Variants in C8orf88 observed in about 807,000 individuals in gnomAD.
C8orf88 encodes chromosome 8 open reading frame 88.
A neutral mutation model predicts 18.4 loss-of-function variants in C8orf88; 14 were observed. The observed-to-expected ratio is 0.76, with a 90% CI of 0.50 to 1.19. The LOEUF (loss-of-function observed/expected upper bound fraction) is 1.19, where lower values mean the gene tolerates loss of function less well. C8orf88 is among the 50% of genes most tolerant of loss of function. The pLI, the probability that C8orf88 is intolerant of heterozygous loss-of-function variation, is 0.00. For synonymous variants in C8orf88, 45 were observed against 42.9 expected (o/e 1.05, Z -0.19); for missense variants, 116 against 134.7 (o/e 0.86, Z 0.69).
intron 4 of C8orf88, among the ~76,000 whole-genome samples, chr8:90,967,072 A>T (rs1479955061): frequency 6.6e-6 from 1 of 151,906 alleles, no homozygotes; most frequent in Non-Finnish European, 1.5e-5. Flanking sequence ...TATGGCTAGA[A>T]CTTTCAACAT....
intron 5 of C8orf88, among the ~76,000 whole-genome samples, chr8:90,959,917 A>G (rs1415038988): frequency 6.6e-6 from 1 of 151,496 alleles, no homozygotes; most frequent in African/African-American, 2.4e-5. Flanking sequence ...ATTTACTAAA[A>G]GCATAATGAG....
intron 3 of C8orf88, among the ~76,000 whole-genome samples, chr8:90,972,166 C>T (rs1811292974): frequency 6.6e-6 from 1 of 152,012 alleles, no homozygotes. Flanking sequence ...TCTGTGAATG[C>T]TAACTACTCC....
intron 5 of C8orf88, among the ~76,000 whole-genome samples, chr8:90,960,442 T>A (rs775647118): frequency 1.3e-5 from 2 of 151,338 alleles, no homozygotes; most frequent in Non-Finnish European, 3.0e-5. Context: ...TAGAGTAAAA[T>A]TAATTCCAGG....
At chr8:90,984,089 A>G (rs1308144038) in intron 1 of C8orf88, among the ~76,000 whole-genome samples, 1 of 152,168 alleles carries the variant, frequency 6.6e-6, no homozygotes, top group Non-Finnish European at 1.5e-5. Flanking sequence ...AGCATATGAA[A>G]TATACTATGC....
At chr8:90,968,677 T>TATATATATATATATATAG (rs1811240663) in intron 4 of C8orf88, among the ~76,000 whole-genome samples, 1 of 135,662 alleles carries the variant, frequency 7.4e-6, no homozygotes, top group Non-Finnish European at 1.6e-5. Context: ...TATATATATA[T>TATATATATATATATATAG]ATATATATGC....
At position 90,964,006 on chromosome 8, in the gene C8orf88, T is replaced by A. The variant is rs550256996; in HGVS notation, c.224-3158A>T. ...TAGAATGCAGACAACCCCCAACTTATGATGGTTTGACTTACAATTGTTTGA... is the reference window on the plus strand; with the variant it reads ...TAGAATGCAGACAACCCCCAACTTAAGATGGTTTGACTTACAATTGTTTGA... On this transcript the variant is annotated intron_variant, in intron 4 of 5. Transcript: ENST00000517562. 2.6e-5 allele frequency among the ~76,000 whole-genome samples: 4 copies of A among 151,824 alleles called. No individual in the cohort carries two copies. The East Asian group carries it at 7.8e-4, about 29-fold the overall frequency.
At chr8:90,962,794 C>T (rs777321545) in intron 4 of C8orf88, among the ~76,000 whole-genome samples, 1 of 151,614 alleles carries the variant, frequency 6.6e-6, no homozygotes, top group Non-Finnish European at 1.5e-5. Flanking sequence ...AAAGCTGCTG[C>T]CCAAAGTCCA....
chr8:90,983,436 T>C (rs183015685), intron 1 of C8orf88, among the ~76,000 whole-genome samples: 191 of 152,250 alleles, frequency 1.3e-3, no homozygotes, highest in Non-Finnish European at 2.2e-3. Context: ...ATTCTACACC[T>C]GGCAATACTA....
intron 1 of C8orf88, among the ~76,000 whole-genome samples, chr8:90,982,384 T>C (rs1210903548): frequency 2.6e-5 from 4 of 152,160 alleles, no homozygotes; most frequent in African/African-American, 9.7e-5. Flanking sequence ...AAGACCCTAA[T>C]ACTAGTATGT....
chr8:90,967,320 G>C (rs1172532054), intron 4 of C8orf88, among the ~76,000 whole-genome samples: 2 of 151,800 alleles, frequency 1.3e-5, no homozygotes, highest in Non-Finnish European at 2.9e-5. Context: ...AAAGTTGTTA[G>C]TATTTTATTG....
intron 2 of C8orf88, among the ~76,000 whole-genome samples, chr8:90,979,214 A>T (rs992896116): frequency 6.6e-6 from 1 of 152,166 alleles, no homozygotes; most frequent in African/African-American, 2.4e-5. Flanking sequence ...CCCACCTTGC[A>T]TCCCCTCTCA....
chr8:90,971,129 C>A lies in C8orf88; in HGVS notation c.160G>T (p.Gly54Ter). 1 of 1,519,208 alleles carries A rather than the reference C, an allele frequency of 6.6e-7. No individual in the cohort carries two copies. The highest frequency in any genetic ancestry group is 8.8e-7 in the Non-Finnish European group (1 of 1,137,166). 94.1% of individuals were successfully genotyped at this position (1,519,208 alleles called of 1,614,324 possible). ...AGACCTTGAGAAAAGGCTTGCATTC[C>A]ATTCGTCTTACACTGTTAAACATGA... ...QSGVSRCKTN[G>*]MQAFSQGLNE... Residue 54 changes from glycine to a stop codon, truncating the protein, a stop_gained, in exon 4 of 6, where the codon GGA becomes TGA. Coordinates refer to ENST00000517562, the MANE Select transcript of C8orf88 (RefSeq NM_001190972.2). LOFTEE classifies it high-confidence loss of function.
At chr8:90,960,635 T>C (rs1586158790) in intron 5 of C8orf88, 107 bp downstream of exon 5, 1 of 571,034 alleles carries the variant, frequency 1.8e-6, no homozygotes, top group South Asian at 2.8e-5. Flanking sequence ...ATTACTTATA[T>C]CTTATAATAA....
At chr8:90,972,891 A>G (rs957045101) in intron 3 of C8orf88, among the ~76,000 whole-genome samples, 5 of 152,190 alleles carry the variant, frequency 3.3e-5, no homozygotes, top group African/African-American at 1.2e-4. Context: ...ACTCAAAAAA[A>G]AGAAAACTTG....
At chr8:90,978,999 C>G (rs1465944628) in intron 2 of C8orf88, among the ~76,000 whole-genome samples, 1 of 152,146 alleles carries the variant, frequency 6.6e-6, no homozygotes, top group East Asian at 1.9e-4. Context: ...ATAGGTTTCA[C>G]AACATGAAGT....
intron 4 of C8orf88, among the ~76,000 whole-genome samples, chr8:90,964,390 A>G (rs537259120): frequency 6.6e-6 from 1 of 151,862 alleles, no homozygotes; most frequent in Admixed American, 6.6e-5. Context: ...GAAATCAAAA[A>G]CATGTCAATC....
chr8:90,975,157 T>C (rs112173611), intron 3 of C8orf88, among the ~76,000 whole-genome samples: 11 of 152,238 alleles, frequency 7.2e-5, no homozygotes, highest in East Asian at 1.9e-4. Flanking sequence ...AAAATGCCAA[T>C]AGACTTTTTG....
chr8:90,980,800 C>A (rs1437489606), intron 1 of C8orf88, among the ~76,000 whole-genome samples: 2 of 152,178 alleles, frequency 1.3e-5, no homozygotes, highest in Non-Finnish European at 1.5e-5. Flanking sequence ...TCAAGAGATC[C>A]TCCTGCCTTA....
chr8:90,980,498 A>G, intron 1 of C8orf88, 37 bp from the exon 2 acceptor site: 1 of 933,116 alleles, frequency 1.1e-6, no homozygotes, highest in Non-Finnish European at 1.6e-6. Flanking sequence ...TCTTTTGGAC[A>G]AAATAATCAA....
Sources: gnomAD v4.1 joint callset for allele counts (sites outside exome capture counted in the v4.1 genomes callset) on GRCh38, gnomAD v4.1.1 for gene constraint, MANE v1.5 for transcripts, NCBI Gene and HGNC (gene_info 2026-07-23, HGNC 2026-07-21) for gene names.